NBPF20: variants seen among roughly 807,000 people sequenced by gnomAD.
NBPF20 encodes the protein NBPF family member NBPF20.
Under a neutral mutation model 68.1 loss-of-function variants are expected in NBPF20, and 90 were observed. The observed-to-expected ratio is 1.32, with a 90% CI of 1.11 to 1.58. The LOEUF is 1.58. Among genes scored for constraint, NBPF20 ranks in the 40% most tolerant of loss-of-function variants. The pLI is 0.00. For synonymous variants in NBPF20, 290 were observed against 228.1 expected (o/e 1.27, Z -2.45); for missense variants, 816 against 601.2 (o/e 1.36, Z -3.74).
chr1:145,311,113 C>G (rs1477271231), intron 113 of NBPF20, among the ~76,000 whole-genome samples: 1 of 59,296 alleles, frequency 1.7e-5, no homozygotes, highest in Non-Finnish European at 3.0e-5. Context: ...TCAAAGGACA[C>G]TCTGAGTTAG....
At chr1:145,397,693 C>A (rs1662324178) in intron 7 of NBPF20, among the ~76,000 whole-genome samples, 1 of 152,152 alleles carries the variant, frequency 6.6e-6, no homozygotes, top group Non-Finnish European at 1.5e-5. Flanking sequence ...GCGAAATAAC[C>A]AGCTAATATC....
intron 8 of NBPF20, 49 bp from the exon 14 acceptor site, chr1:145,393,984 G>A: frequency 1.0e-6 from 1 of 965,896 alleles, no homozygotes; most frequent in East Asian, 2.4e-5. Context: ...GTTCTTCCTT[G>A]CACACAGAAA....
intron 9 of NBPF20, among the ~76,000 whole-genome samples, chr1:145,393,458 A>AACACACACAC (rs370259133): frequency 2.1e-4 from 30 of 145,268 alleles, no homozygotes; most frequent in African/African-American, 2.3e-4. Flanking sequence ...CACACACACA[A>AACACACACAC]ACACACACAC....
intron 3 of NBPF20, 65 bp downstream of exon 8, chr1:145,403,151 C>T (rs1553665879): frequency 2.0e-5 from 32 of 1,593,970 alleles, no homozygotes; most frequent in African/African-American, 6.7e-5. Context: ...GTCTCCCCAC[C>T]GAGCTGCTGT....
chr1:145,397,216 C>G (rs1240489589), intron 7 of NBPF20, among the ~76,000 whole-genome samples: 1 of 149,386 alleles, frequency 6.7e-6, no homozygotes, highest in African/African-American at 2.5e-5. Flanking sequence ...GTGAATAGTG[C>G]CACAATAAAC....
At chr1:145,410,815 CGT>C in the NBPF20 span, among the ~76,000 whole-genome samples, 35 of 27,206 alleles carry the variant, frequency 1.3e-3, no homozygotes, top group East Asian at 0.017. Context: ...TATATATATA[CGT>C]ATATATATAT....
chr1:145,292,384 G>A (rs1661178481), exon 137 of NBPF20: 4 of 679,604 alleles, frequency 5.9e-6, no homozygotes, highest in Non-Finnish European at 1.0e-5. Flanking sequence ...AAGTCACCTG[G>A]GGCATGGTGG....
intron 9 of NBPF20, among the ~76,000 whole-genome samples, chr1:145,393,556 G>C (rs1571360199): frequency 6.6e-6 from 1 of 152,000 alleles, no homozygotes; most frequent in South Asian, 2.1e-4. Flanking sequence ...CTCTGTATTT[G>C]TGCTCTCAGG....
chr1:145,407,757 C>G (rs1270200666), upstream of NBPF20: 1 of 153,628 alleles, frequency 6.5e-6, no homozygotes, highest in African/African-American at 2.4e-5. Flanking sequence ...ACGCAACGGC[C>G]AGGTGGACAC....
chr1:145,395,634 A>G (rs1182214500), intron 7 of NBPF20, among the ~76,000 whole-genome samples: 1 of 150,164 alleles, frequency 6.7e-6, no homozygotes, highest in South Asian at 2.1e-4. Flanking sequence ...ACAAATAGGA[A>G]AAAAGCATGT....
chr1:145,290,218 A>G (rs1189363368), exon 138 of NBPF20: 1 of 148,520 alleles, frequency 6.7e-6, no homozygotes, highest in East Asian at 1.9e-4. Context: ...TGTTTAGAGG[A>G]TGATCATTAG....
At chr1:145,407,379 A>AATATAT (rs1171692745), upstream of NBPF20, among the ~76,000 whole-genome samples, 1 of 145,740 alleles carries the variant, frequency 6.9e-6, no homozygotes, top group Non-Finnish European at 1.5e-5. Context: ...ATATATATAT[A>AATATAT]ATATATATAC....
At chr1:145,409,150 A>G (rs1571384544), upstream of NBPF20, among the ~76,000 whole-genome samples, 1 of 150,998 alleles carries the variant, frequency 6.6e-6, no homozygotes, top group East Asian at 1.9e-4. Context: ...TATAAATGAA[A>G]TGATACCTGT....
rs1373669951 is a variant in NBPF20, at chr1:145,394,373, G to T, written c.992-438C>A. The stretch of plus-strand genomic sequence containing the variant: ...CAGCTCTTGAGTCAAAATGAAACTT[G>T]GTTCTACACAGAAGCATCAGCTATT... On this transcript the variant is annotated intron_variant, in intron 8 of 137. Coordinates refer to ENST00000369373, the Ensembl canonical transcript of NBPF20. 9.0e-4 allele frequency among the ~76,000 whole-genome samples: 137 copies of T among 151,912 alleles called. 4 individuals carry two copies. The South Asian group carries it at 0.027, about 30-fold the overall frequency.
chr1:145,395,066 A>G, exon 8 of NBPF20: 2 of 1,611,040 alleles, frequency 1.2e-6, no homozygotes, highest in South Asian at 1.1e-5. Flanking sequence ...ACATTTCAGG[A>G]GGAATTGAGA....
At chr1:145,394,787 A>G (rs1662137809) in intron 8 of NBPF20, among the ~76,000 whole-genome samples, 191 bp downstream of exon 13, 1 of 152,192 alleles carries the variant, frequency 6.6e-6, no homozygotes, top group Non-Finnish European at 1.5e-5. Context: ...GGAAGAGAGC[A>G]AAGCTCACTG....
At chr1:145,311,896 C>G (rs1424298092) in intron 112 of NBPF20, among the ~76,000 whole-genome samples, 36 of 112,594 alleles carry the variant, frequency 3.2e-4, no homozygotes, top group Admixed American at 3.0e-3. Flanking sequence ...AGGATGAAAT[C>G]TACAAGATCT....
At chr1:145,395,021 G>A (rs1468305404) in exon 8 of NBPF20, 1 of 1,611,714 alleles carries the variant, frequency 6.2e-7, no homozygotes, top group Non-Finnish European at 8.5e-7. Context: ...CCTCTAATGA[G>A]TGAAATGTGC....
chr1:145,410,962 TGTGA>T, the NBPF20 span, among the ~76,000 whole-genome samples: 1 of 143,666 alleles, frequency 7.0e-6, no homozygotes, highest in African/African-American at 2.6e-5. Context: ...TAGACATACA[TGTGA>T]GTATCTATTT....
Sources: allele counts gnomAD v4.1 joint callset (sites outside exome capture counted in the v4.1 genomes callset), GRCh38; gene constraint gnomAD v4.1.1; transcripts MANE v1.5; gene names NCBI Gene and HGNC (gene_info 2026-07-23, HGNC 2026-07-21).